Variants in ADCK1 observed in about 807,000 individuals in gnomAD.
ADCK1 encodes the protein aarF domain-containing protein kinase 1.
Under a neutral mutation model 52.3 loss-of-function variants are expected in ADCK1, and 41 were observed. That is an observed-to-expected ratio of 0.78 (90% CI 0.61 to 1.02). The LOEUF is 1.02. Ranked by LOEUF, ADCK1 falls within the 50% of genes least tolerant of loss-of-function variation. The probability of loss-of-function intolerance (pLI) is 0.00; values close to 1 mark genes in which losing one functional copy is unlikely to be tolerated. For synonymous variants in ADCK1, 250 were observed against 274.6 expected (o/e 0.91, Z 0.89); for missense variants, 658 against 679.5 (o/e 0.97, Z 0.35).
chr14:77,917,997 G>A (rs1046480780), intron 7 of ADCK1, among the ~76,000 whole-genome samples: 3 of 152,148 alleles, frequency 2.0e-5, no homozygotes, highest in African/African-American at 4.8e-5. Flanking sequence ...CCAAGTGACC[G>A]AACTTTCTAT....
chr14:77,862,534 A>G (rs1321366009), intron 4 of ADCK1, among the ~76,000 whole-genome samples: 4 of 152,136 alleles, frequency 2.6e-5, no homozygotes, highest in African/African-American at 9.7e-5. Flanking sequence ...TGACATCTCT[A>G]CACCCTGAAT....
rs1369854193 is a variant in ADCK1 at position 77,829,854 on chromosome 14, G to C, written c.219+7336G>C. Among the ~76,000 whole-genome samples, 11 of 151,414 alleles carry C rather than the reference G, an allele frequency of 7.3e-5. 1 individual carries two copies. The highest frequency in any genetic ancestry group is 2.7e-4 in the African/African-American group (11 of 41,506). ...TAAGTTGGTATGGGAGCTGAGTTTG[G>C]AAAGGTGGGTTGATGGAAACATGTA... is the stretch of plus-strand genomic sequence containing the variant. On this transcript the variant is annotated intron_variant, in intron 3 of 10. Coordinates refer to ENST00000238561, the MANE Select transcript of ADCK1 (RefSeq NM_020421.4).
At chr14:77,887,389 G>A (rs1313953932) in intron 5 of ADCK1, 140 bp downstream of exon 5, 7 of 975,496 alleles carry the variant, frequency 7.2e-6, no homozygotes, top group Non-Finnish European at 9.8e-6. Context: ...CTGAGATTAC[G>A]ACAGAGGAGG....
At chr14:77,902,245 A>G (rs963663672) in intron 6 of ADCK1, 1 of 152,234 alleles carries the variant, frequency 6.6e-6, no homozygotes, top group African/African-American at 2.4e-5. Flanking sequence ...GTATTGACAC[A>G]TTGACTGTGG....
At chr14:77,849,261 A>G (rs1357156652) in intron 3 of ADCK1, among the ~76,000 whole-genome samples, 1 of 152,054 alleles carries the variant, frequency 6.6e-6, no homozygotes, top group Non-Finnish European at 1.5e-5. Flanking sequence ...TTTTGCAGAG[A>G]CAGGGTCTCT....
intron 6 of ADCK1, among the ~76,000 whole-genome samples, chr14:77,903,467 G>A (rs544236722): frequency 2.2e-4 from 33 of 152,364 alleles, no homozygotes; most frequent in Admixed American, 9.1e-4. Context: ...GCTCAGACAA[G>A]CACTGAATGC....
In ADCK1 at chr14:77,887,083, C is replaced by A. The variant is rs758720601; in HGVS notation, c.424-8C>A. ...TTTTCATTGCTCTGTTCTCTCCACTCCCGACAGATCCATGATTTGTTCCAG... is the reference window on the plus strand; with the variant it reads ...TTTTCATTGCTCTGTTCTCTCCACTACCGACAGATCCATGATTTGTTCCAG... On this transcript the variant is annotated splice_region_variant and splice_polypyrimidine_tract_variant and intron_variant, in intron 4 of 10. Transcript: ENST00000238561. 9 of 1,569,746 alleles carry A rather than the reference C, an allele frequency of 5.7e-6. No homozygotes were observed. The highest frequency in any genetic ancestry group is 1.2e-5 in the South Asian group (1 of 83,264).
intron 6 of ADCK1, among the ~76,000 whole-genome samples, chr14:77,901,119 A>C (rs1595056324): frequency 6.7e-6 from 1 of 148,526 alleles, no homozygotes; most frequent in African/African-American, 2.5e-5. Context: ...ATCTCAGCTC[A>C]CTGCAGTCTC....
At chr14:77,903,566 G>T (rs749561650) in intron 6 of ADCK1, among the ~76,000 whole-genome samples, 1 of 152,208 alleles carries the variant, frequency 6.6e-6, no homozygotes, top group Admixed American at 6.5e-5. Flanking sequence ...GCAGCAGAGC[G>T]TATGTGCCAG....
chr14:77,855,272 G>C (rs2082394050), intron 3 of ADCK1, among the ~76,000 whole-genome samples: 1 of 152,238 alleles, frequency 6.6e-6, no homozygotes, highest in Admixed American at 6.5e-5. Flanking sequence ...CTTGTAGTAA[G>C]TATGGAAACA....
intron 1 of ADCK1, among the ~76,000 whole-genome samples, chr14:77,806,296 A>C (rs952103671): frequency 1.3e-5 from 2 of 152,038 alleles, no homozygotes; most frequent in Non-Finnish European, 2.9e-5. Context: ...AGGGATGGTT[A>C]TCATCCTTGC....
Position 77,807,354 on chromosome 14 carries a change from C to A in ADCK1, c.-12+7184C>A, listed in dbSNP as rs541261700. 3.9e-5 allele frequency among the ~76,000 whole-genome samples: 6 copies of A among 152,026 alleles called. No individual in the cohort carries two copies. In the East Asian group the frequency reaches 9.7e-4, roughly 25 times the overall value. On this transcript the variant is annotated intron_variant, in intron 1 of 10. Coordinates refer to ENST00000238561, the MANE Select transcript of ADCK1 (RefSeq NM_020421.4). ...AAGTGCTGGGACTACAGGCGTGAGC[C>A]ACCGCGCCCGGCCTGGAGACAGAGT...
chr14:77,823,405 ATAAT>A (rs2081622841), intron 3 of ADCK1, among the ~76,000 whole-genome samples: 1 of 152,136 alleles, frequency 6.6e-6, no homozygotes, highest in Non-Finnish European at 1.5e-5. Context: ...TGTGGATGGA[ATAAT>A]TAATTTCTAA....
chr14:77,827,736 G>A, intron 3 of ADCK1: 1 of 359,256 alleles, frequency 2.8e-6, no homozygotes, highest in Non-Finnish European at 5.3e-6. Context: ...GTGCTGGGTA[G>A]AATTGGAGCC....
At chr14:77,931,471 ACTGCC>A (rs2084332087) in intron 9 of ADCK1, 42 bp from the exon 10 acceptor site, 2 of 1,582,014 alleles carry the variant, frequency 1.3e-6, no homozygotes, top group South Asian at 1.2e-5. Context: ...CCCTGGCCCC[ACTGCC>A]CATACCAACC....
chr14:77,833,374 C>T (rs1307702687), intron 3 of ADCK1, among the ~76,000 whole-genome samples: 2 of 152,106 alleles, frequency 1.3e-5, no homozygotes, highest in African/African-American at 4.8e-5. Context: ...TTTGTCATCA[C>T]GGAATGTTTG....
At chr14:77,864,109 G>A (rs1193516336) in intron 4 of ADCK1, among the ~76,000 whole-genome samples, 4 of 152,134 alleles carry the variant, frequency 2.6e-5, no homozygotes, top group African/African-American at 7.2e-5. Flanking sequence ...CCCATAGTAC[G>A]TAGGGACAAG....
At chr14:77,924,011 C>G (rs959702391) in intron 7 of ADCK1, 1 of 156,782 alleles carries the variant, frequency 6.4e-6, no homozygotes, top group Non-Finnish European at 1.4e-5. Context: ...ATCCTCAGCC[C>G]CCTCACCCTG....
intron 7 of ADCK1, among the ~76,000 whole-genome samples, chr14:77,922,706 C>T (rs1308124479): frequency 6.6e-6 from 1 of 152,184 alleles, no homozygotes; most frequent in African/African-American, 2.4e-5. Context: ...TGAATCTTGG[C>T]TCGACCCTTT....
Sources: gnomAD v4.1 joint callset for allele counts (sites outside exome capture counted in the v4.1 genomes callset) on GRCh38, gnomAD v4.1.1 for gene constraint, MANE v1.5 for transcripts, NCBI Gene and HGNC (gene_info 2026-07-23, HGNC 2026-07-21) for gene names.